The following RBFOX1 variants were observed in gnomAD, a reference collection of about 807,000 sequenced individuals.
RBFOX1 encodes RNA binding fox-1 homolog 1, also known as RNA binding protein fox-1 homolog 1.
A neutral mutation model predicts 57.7 loss-of-function variants in RBFOX1; 8 were observed. That is an observed-to-expected ratio of 0.14 (90% CI 0.08 to 0.25). RBFOX1 has a LOEUF of 0.25. Among genes scored for constraint, RBFOX1 ranks in the 10% least tolerant of loss-of-function variants. The pLI, the probability that RBFOX1 is intolerant of heterozygous loss-of-function variation, is 1.00. For synonymous variants in RBFOX1, 326 were observed against 222.4 expected, an observed-to-expected ratio of 1.47 and a Z score of -4.15; for missense variants, 611 against 548.5, an observed-to-expected ratio of 1.11 and a Z score of -1.14.
intron 3 of RBFOX1, among the ~76,000 whole-genome samples, chr16:7,027,060 C>G (rs2041177359): frequency 6.6e-6 from 1 of 152,130 alleles, no homozygotes; most frequent in South Asian, 2.1e-4. Flanking sequence ...AGGACCCTTG[C>G]TGAGATAGTC....
At chr16:6,238,533 C>T (rs1385381916) in intron 1 of RBFOX1, among the ~76,000 whole-genome samples, 1 of 152,154 alleles carries the variant, frequency 6.6e-6, no homozygotes, top group African/African-American at 2.4e-5. Flanking sequence ...CTATCCGTAG[C>T]TTTCATGACC....
chr16:7,156,183 T>A (rs2152330118), intron 4 of RBFOX1, among the ~76,000 whole-genome samples: 1 of 151,802 alleles, frequency 6.6e-6, no homozygotes, highest in South Asian at 2.1e-4. Flanking sequence ...CCCTCAACTC[T>A]TGATTCCTTT....
chr16:6,524,420 T>C (rs1341846606), intron 2 of RBFOX1, among the ~76,000 whole-genome samples: 2 of 152,214 alleles, frequency 1.3e-5, no homozygotes, highest in Non-Finnish European at 2.9e-5. Flanking sequence ...TATTTCCAGA[T>C]CTTTTTATGG....
intron 3 of RBFOX1, among the ~76,000 whole-genome samples, chr16:7,004,508 G>A (rs888627883): frequency 6.6e-6 from 1 of 152,164 alleles, no homozygotes; most frequent in African/African-American, 2.4e-5. Context: ...AAGTTGGTAT[G>A]CCAGCACTCC....
chr16:7,040,642 T>G (rs1174328922), intron 3 of RBFOX1, among the ~76,000 whole-genome samples: 1 of 152,180 alleles, frequency 6.6e-6, no homozygotes, highest in Non-Finnish European at 1.5e-5. Context: ...ATTCCAGACT[T>G]TTTTCCAGGT....
intron 11 of RBFOX1, among the ~76,000 whole-genome samples, chr16:7,635,879 C>T (rs1474902382): frequency 1.3e-5 from 2 of 152,092 alleles, no homozygotes; most frequent in African/African-American, 2.4e-5. Flanking sequence ...AGCGCAGTCC[C>T]GGCTCACTGC....
chr16:6,782,483 T>G (rs887972692), intron 3 of RBFOX1, among the ~76,000 whole-genome samples: 4 of 152,150 alleles, frequency 2.6e-5, no homozygotes, highest in Admixed American at 6.5e-5. Context: ...CTCTTCATGT[T>G]TTCTATTTTT....
At chr16:7,213,873 C>T (rs778137331) in intron 4 of RBFOX1, among the ~76,000 whole-genome samples, 1 of 152,158 alleles carries the variant, frequency 6.6e-6, no homozygotes, top group Non-Finnish European at 1.5e-5. Context: ...GGGGGAACGA[C>T]TCAAAGACAG....
At chr16:6,180,619 G>A (rs2097055412) in intron 1 of RBFOX1, among the ~76,000 whole-genome samples, 1 of 151,648 alleles carries the variant, frequency 6.6e-6, no homozygotes, top group African/African-American at 2.4e-5. Context: ...AGGCTGGAGT[G>A]CAGTGTTACG....
intron 4 of RBFOX1, among the ~76,000 whole-genome samples, chr16:7,407,456 C>G (rs1368838330): frequency 1.3e-5 from 2 of 151,670 alleles, no homozygotes; most frequent in African/African-American, 4.8e-5. Context: ...AGCCATGATA[C>G]TAATTATTCT....
intron 1 of RBFOX1, among the ~76,000 whole-genome samples, chr16:6,226,527 T>A (rs2152892893): frequency 6.6e-6 from 1 of 152,134 alleles, no homozygotes; most frequent in South Asian, 2.1e-4. Flanking sequence ...GGTGTTCAAG[T>A]TTTCAAGGCA....
chr16:7,054,499 C>T (rs1393709185), intron 4 of RBFOX1, among the ~76,000 whole-genome samples: 1 of 133,744 alleles, frequency 7.5e-6, no homozygotes, highest in Non-Finnish European at 1.5e-5. Context: ...CCTCGGCCCC[C>T]CAAGGTGATG....
At chr16:5,537,902 T>C (rs761030461) in intron 2 of RBFOX1, among the ~76,000 whole-genome samples, 2 of 152,206 alleles carry the variant, frequency 1.3e-5, no homozygotes, top group Non-Finnish European at 2.9e-5. Context: ...AAATAAAGCA[T>C]TGGGTATCTT....
At chr16:7,014,853 T>C (rs1207091421) in intron 3 of RBFOX1, among the ~76,000 whole-genome samples, 1 of 152,062 alleles carries the variant, frequency 6.6e-6, no homozygotes, top group Non-Finnish European at 1.5e-5. Context: ...GCCTCCTGAG[T>C]AGCTGAGATT....
intron 3 of RBFOX1, among the ~76,000 whole-genome samples, chr16:5,703,413 C>T (rs1567419679): frequency 6.6e-6 from 1 of 152,100 alleles, no homozygotes; most frequent in Non-Finnish European, 1.5e-5. Flanking sequence ...ACTGGAGGGT[C>T]GGCAGGTGGG....
chr16:6,852,374 A>G (rs1037321707), intron 3 of RBFOX1, among the ~76,000 whole-genome samples: 3 of 152,142 alleles, frequency 2.0e-5, no homozygotes, highest in Non-Finnish European at 2.9e-5. Flanking sequence ...TTTTGTGAGC[A>G]TCAGTTCAGT....
At chr16:7,368,962 T>A (rs949615746) in intron 4 of RBFOX1, among the ~76,000 whole-genome samples, 1 of 152,084 alleles carries the variant, frequency 6.6e-6, no homozygotes, top group Non-Finnish European at 1.5e-5. Flanking sequence ...ATCTTTCTTT[T>A]TTTTAACACA....
At chr16:7,299,010 T>G (rs1461203276) in intron 4 of RBFOX1, among the ~76,000 whole-genome samples, 2 of 152,220 alleles carry the variant, frequency 1.3e-5, no homozygotes, top group East Asian at 3.9e-4. Context: ...TCCTGGTTTA[T>G]GTATCATGTA....
chr16:6,956,209 G>A (rs1568069717), intron 3 of RBFOX1, among the ~76,000 whole-genome samples: 1 of 152,178 alleles, frequency 6.6e-6, no homozygotes, highest in Admixed American at 6.6e-5. Context: ...TACCACACAG[G>A]AGATCGTGCA....
Sources: gnomAD v4.1 joint callset for allele counts (sites outside exome capture counted in the v4.1 genomes callset) on GRCh38, gnomAD v4.1.1 for gene constraint, MANE v1.5 for transcripts, NCBI Gene and HGNC (gene_info 2026-07-23, HGNC 2026-07-21) for gene names.